The following ARHGAP10 variants were observed in gnomAD, a reference collection of about 807,000 sequenced individuals.
The protein encoded by ARHGAP10 is rho GTPase-activating protein 10.
A neutral mutation model predicts 108.6 loss-of-function variants in ARHGAP10; 87 were observed. That is an observed-to-expected ratio of 0.80 (90% CI 0.67 to 0.96). The LOEUF is 0.96. Ranked by LOEUF, ARHGAP10 falls within the 40% of genes least tolerant of loss-of-function variation. ARHGAP10 has a pLI of 0.00. For missense variants in ARHGAP10, 939 were observed against 954.5 expected (o/e 0.98, Z 0.21); for synonymous variants, 347 against 341.1 (o/e 1.02, Z -0.19).
intron 15 of ARHGAP10, 62 bp from the exon 16 acceptor site, chr4:147,955,254 A>C: frequency 6.7e-7 from 1 of 1,485,182 alleles, no homozygotes; most frequent in Non-Finnish European, 9.2e-7. Flanking sequence ...CCTTTCATAA[A>C]AAAACTCAGA....
chr4:147,857,869 G>A (rs1033734825), intron 5 of ARHGAP10: 6 of 266,860 alleles, frequency 2.2e-5, no homozygotes, highest in Non-Finnish European at 3.3e-5. Context: ...TGGATTCATA[G>A]TAGTAAAATT....
intron 16 of ARHGAP10, among the ~76,000 whole-genome samples, chr4:147,960,699 G>A (rs948747602): frequency 6.6e-6 from 1 of 152,132 alleles, no homozygotes; most frequent in African/African-American, 2.4e-5. Context: ...CCCAGATCAA[G>A]CAATCAAACA....
chr4:147,843,157 C>T lies in ARHGAP10; in HGVS notation c.313-3994C>T, dbSNP rs1350057266. The stretch of plus-strand genomic sequence containing the variant: ...TCACAGGGAAGGAAGGATTTTGACT[C>T]GTATGACAGGCCAACCCTCCATGCA... On this transcript the variant is annotated intron_variant, in intron 3 of 22. Coordinates refer to ENST00000336498, the MANE Select transcript of ARHGAP10 (RefSeq NM_024605.4). 3.3e-5 allele frequency among the ~76,000 whole-genome samples: 5 copies of T among 152,316 alleles called. No homozygotes were observed. In the South Asian group the frequency reaches 8.3e-4, roughly 25 times the overall value.
At chr4:148,029,879 G>A (rs1728057721) in intron 19 of ARHGAP10, among the ~76,000 whole-genome samples, 1 of 152,158 alleles carries the variant, frequency 6.6e-6, no homozygotes, top group Admixed American at 6.5e-5. Flanking sequence ...TCAATGGGTT[G>A]GAAAAGGCAG....
intron 1 of ARHGAP10, among the ~76,000 whole-genome samples, chr4:147,765,335 T>TG (rs1463328322): frequency 2.3e-3 from 52 of 22,710 alleles, no homozygotes; most frequent in African/African-American, 4.4e-3. Context: ...TGTGTGTGTG[T>TG]GTGGGGGGGG....
chr4:147,949,697 A>G (rs541167888), intron 15 of ARHGAP10, among the ~76,000 whole-genome samples: 2 of 152,378 alleles, frequency 1.3e-5, no homozygotes, highest in South Asian at 4.1e-4. Flanking sequence ...CAAGAGACGT[A>G]CTGCCACTCT....
At chr4:147,811,458 T>G (rs1055372879) in intron 1 of ARHGAP10, among the ~76,000 whole-genome samples, 8 of 152,246 alleles carry the variant, frequency 5.3e-5, no homozygotes, top group Admixed American at 2.0e-4. Flanking sequence ...CTTGTAAGCA[T>G]GGCCACATTA....
At chr4:147,984,071 T>C (rs922299787) in intron 18 of ARHGAP10, among the ~76,000 whole-genome samples, 1 of 152,186 alleles carries the variant, frequency 6.6e-6, no homozygotes, top group African/African-American at 2.4e-5. Context: ...CAAGGCTGTT[T>C]ATGAGTTCCT....
chr4:147,962,599 C>T (rs1560847592), intron 16 of ARHGAP10, among the ~76,000 whole-genome samples: 1 of 152,070 alleles, frequency 6.6e-6, no homozygotes, highest in Non-Finnish European at 1.5e-5. Flanking sequence ...TTAGGATGTC[C>T]CCCCATCATA....
intron 20 of ARHGAP10, among the ~76,000 whole-genome samples, chr4:148,049,069 G>A (rs1729012678): frequency 6.6e-6 from 1 of 151,336 alleles, no homozygotes; most frequent in Non-Finnish European, 1.5e-5. Context: ...ATACTAAAAT[G>A]TTTCTTATGT....
At chr4:147,922,583 G>A (rs1458344714) in intron 13 of ARHGAP10, among the ~76,000 whole-genome samples, 1 of 149,854 alleles carries the variant, frequency 6.7e-6, no homozygotes, top group East Asian at 1.9e-4. Context: ...AGCTACTTGG[G>A]AGGCTGAGGC....
chr4:148,012,611 C>A (rs1431721387), intron 18 of ARHGAP10, among the ~76,000 whole-genome samples: 1 of 152,088 alleles, frequency 6.6e-6, no homozygotes, highest in Non-Finnish European at 1.5e-5. Context: ...CTACCTGTGT[C>A]CTAATGTGTT....
At chr4:147,738,774 A>G (rs1728534003) in intron 1 of ARHGAP10, among the ~76,000 whole-genome samples, 1 of 152,162 alleles carries the variant, frequency 6.6e-6, no homozygotes, top group Non-Finnish European at 1.5e-5. Context: ...TATTACCCCT[A>G]ACAGTATATT....
At chr4:148,070,716 G>T (rs1730134195) in intron 22 of ARHGAP10, among the ~76,000 whole-genome samples, 1 of 152,154 alleles carries the variant, frequency 6.6e-6, no homozygotes. Context: ...GCCTGTACTT[G>T]GTTTTTGATA....
intron 1 of ARHGAP10, among the ~76,000 whole-genome samples, chr4:147,733,524 T>A (rs1728307337): frequency 6.6e-6 from 1 of 152,128 alleles, no homozygotes; most frequent in Non-Finnish European, 1.5e-5. Flanking sequence ...AGATTCTCAG[T>A]TCAGTAATTC....
At chr4:147,810,191 C>T (rs1731963842) in intron 1 of ARHGAP10, among the ~76,000 whole-genome samples, 2 of 152,210 alleles carry the variant, frequency 1.3e-5, no homozygotes, top group South Asian at 4.1e-4. Flanking sequence ...GATCATTTAC[C>T]CTTGCTCCTG....
chr4:147,818,164 CTT>C (rs563096646), intron 1 of ARHGAP10, among the ~76,000 whole-genome samples: 6 of 138,100 alleles, frequency 4.3e-5, no homozygotes, highest in Non-Finnish European at 4.8e-5. Context: ...TCTTCTTTTT[CTT>C]TTTTTTTTTT....
At chr4:148,025,587 A>G (rs1227973118) in intron 19 of ARHGAP10, among the ~76,000 whole-genome samples, 1 of 151,832 alleles carries the variant, frequency 6.6e-6, no homozygotes, top group Non-Finnish European at 1.5e-5. Flanking sequence ...TATATTTTAC[A>G]TATTCTAAAA....
chr4:147,931,541 A>G (rs1349384394), intron 13 of ARHGAP10, among the ~76,000 whole-genome samples: 1 of 152,196 alleles, frequency 6.6e-6, no homozygotes, highest in African/African-American at 2.4e-5. Flanking sequence ...CAACCTAGCT[A>G]TACCTATTCT....
Sources: gnomAD v4.1 joint callset for allele counts (sites outside exome capture counted in the v4.1 genomes callset) on GRCh38, gnomAD v4.1.1 for gene constraint, MANE v1.5 for transcripts, NCBI Gene and HGNC (gene_info 2026-07-23, HGNC 2026-07-21) for gene names.